Variants in XRCC6 observed in about 807,000 individuals in gnomAD.
XRCC6 encodes the protein DNA repair protein Ku70.
A neutral mutation model predicts 65.7 loss-of-function variants in XRCC6; 5 were observed. The ratio of observed to expected loss-of-function variants is 0.08; its 90% confidence interval spans 0.04 to 0.16. The LOEUF (loss-of-function observed/expected upper bound fraction) is 0.16, where lower values mean the gene tolerates loss of function less well. XRCC6 is among the 10% of genes least tolerant of loss of function. The pLI is 1.00. For synonymous variants in XRCC6, 270 were observed against 270.6 expected (o/e 1.00, Z 0.02); for missense variants, 447 against 738.1 (o/e 0.61, Z 4.57).
intron 3 of XRCC6, among the ~76,000 whole-genome samples, chr22:41,634,790 G>A (rs981747361): frequency 3.3e-4 from 50 of 151,896 alleles, no homozygotes; most frequent in Middle Eastern, 3.2e-3. Context: ...TCATCTGCTC[G>A]CCTTGGCCTC....
intron 8 of XRCC6, among the ~76,000 whole-genome samples, chr22:41,651,668 C>CA (rs1170709380): frequency 2.6e-5 from 4 of 151,624 alleles, no homozygotes; most frequent in African/African-American, 9.7e-5. Flanking sequence ...GCTGGGATTA[C>CA]AGGCACCTGC....
chr22:41,631,270 A>AC (rs998701243), intron 3 of XRCC6, among the ~76,000 whole-genome samples: 2 of 112,292 alleles, frequency 1.8e-5, no homozygotes, highest in African/African-American at 3.6e-5. Flanking sequence ...GCTGGGGCTG[A>AC]CCCCCCACCT....
chr22:41,649,934 A>G (rs2067979039), intron 7 of XRCC6, among the ~76,000 whole-genome samples: 1 of 152,042 alleles, frequency 6.6e-6, no homozygotes, highest in Non-Finnish European at 1.5e-5. Flanking sequence ...CAGGAGGCTG[A>G]TGCAGGAGAA....
At chr22:41,623,403 T>G (rs2067632665) in intron 2 of XRCC6, among the ~76,000 whole-genome samples, 1 of 151,890 alleles carries the variant, frequency 6.6e-6, no homozygotes, top group South Asian at 2.1e-4. Flanking sequence ...TTTTCTTTTT[T>G]TTTGGAGACA....
intron 6 of XRCC6, among the ~76,000 whole-genome samples, chr22:41,640,530 C>A (rs935080781): frequency 5.3e-5 from 8 of 152,172 alleles, no homozygotes; most frequent in Non-Finnish European, 1.0e-4. Flanking sequence ...AACGTTCCTC[C>A]TCAAGCTTTC....
intron 2 of XRCC6, 27 bp from the exon 3 acceptor site, chr22:41,628,091 C>T (rs1306597785): frequency 1.3e-6 from 2 of 1,505,984 alleles, no homozygotes; most frequent in Admixed American, 1.9e-5. Flanking sequence ...CAAGGACAAA[C>T]ATTTTCTTCC....
intron 9 of XRCC6, among the ~76,000 whole-genome samples, chr22:41,654,142 G>A (rs1410310890): frequency 6.6e-6 from 1 of 152,152 alleles, no homozygotes; most frequent in Admixed American, 6.6e-5. Flanking sequence ...TTGTGCTTAT[G>A]TGTCTGGAAG....
chr22:41,643,556 C>G (rs551023891), intron 6 of XRCC6, among the ~76,000 whole-genome samples: 2 of 152,186 alleles, frequency 1.3e-5, no homozygotes, highest in Non-Finnish European at 2.9e-5. Context: ...CGCGCTGGCT[C>G]ATGCCTGTAA....
At chr22:41,662,340 C>T (rs2068107192) in intron 12 of XRCC6, among the ~76,000 whole-genome samples, 1 of 146,966 alleles carries the variant, frequency 6.8e-6, no homozygotes. Flanking sequence ...AATATATATA[C>T]CTAGTATGTA....
chr22:41,621,754 C>T (rs1270659218), intron 1 of XRCC6: 4 of 495,430 alleles, frequency 8.1e-6, no homozygotes, highest in African/African-American at 3.9e-5. Flanking sequence ...GATCTGGCTT[C>T]CGCGGGCCGC....
chr22:41,636,117 T>A lies in XRCC6; in HGVS notation c.200T>A (p.Ile67Asn). ...TAATTGAATTTTTTTTTTCAGTGTA[T>A]CCAAAGTGTGTACATCAGTAAGATC... ...LTPFDMSIQC[I>N]QSVYISKIIS... The change falls in exon 4 of 13, where the codon ATC becomes AAC. Residue 67 changes from isoleucine (I) to asparagine (N), a missense_variant. Ile to Asn is a moderately radical substitution (Grantham distance 149, BLOSUM62 -3). This residue lies in a region of XRCC6 where 228 missense variants were observed against 307.4 expected (regional missense o/e 0.74). Transcript: ENST00000360079. The A allele has an allele frequency of 6.3e-7, 1 of 1,583,292 alleles. No individual in the cohort carries two copies. Among genetic ancestry groups the A allele is most frequent in the Non-Finnish European group, 8.5e-7 (1 of 1,172,174 alleles).
chr22:41,644,638 G>A (rs918939818), intron 6 of XRCC6, among the ~76,000 whole-genome samples: 1 of 151,832 alleles, frequency 6.6e-6, no homozygotes, highest in Non-Finnish European at 1.5e-5. Flanking sequence ...GATGCACACC[G>A]CCACGCCTGG....
chr22:41,650,279 T>C (rs1054584072), intron 7 of XRCC6, among the ~76,000 whole-genome samples: 1 of 151,928 alleles, frequency 6.6e-6, no homozygotes, highest in Non-Finnish European at 1.5e-5. Context: ...TAATTTTTAA[T>C]TTTTTTATAC....
intron 3 of XRCC6, among the ~76,000 whole-genome samples, chr22:41,632,826 GAAAA>G (rs774575798): frequency 7.7e-6 from 1 of 130,056 alleles, no homozygotes; most frequent in Non-Finnish European, 1.7e-5. Flanking sequence ...CTGTCTCTTG[GAAAA>G]AAAAAAAAAA....
intron 3 of XRCC6, among the ~76,000 whole-genome samples, chr22:41,633,468 C>T (rs1189774983): frequency 6.6e-6 from 1 of 151,892 alleles, no homozygotes; most frequent in Non-Finnish European, 1.5e-5. Flanking sequence ...GCTCTGCCTC[C>T]TGGGTTCACA....
At position 41,650,769 on chromosome 22, in the gene XRCC6, A is replaced by G; in HGVS notation, c.1007A>G (p.Glu336Gly). Reference protein sequence around the residue: ...QIILEKEETEELKRFDDPGLM... With the variant: ...QIILEKEETEGLKRFDDPGLM... ...ATACTGGAGAAAGAGGAAACAGAAG[A>G]GCTAAAACGGTTTGATGATCCAGGT... is the stretch of plus-strand genomic sequence containing the variant. The change falls in exon 8 of 13, where the codon GAG becomes GGG. Residue 336 changes from glutamate (E) to glycine (G), a missense_variant. This residue lies in a region of XRCC6 where 201 missense variants were observed against 374.1 expected (regional missense o/e 0.54). Coordinates refer to ENST00000360079, the MANE Select transcript of XRCC6 (RefSeq NM_001469.5). 1 of 1,613,888 alleles carries G rather than the reference A, an allele frequency of 6.2e-7. No homozygotes were observed. Among genetic ancestry groups the G allele is most frequent in the Non-Finnish European group, 8.5e-7 (1 of 1,179,854 alleles).
At chr22:41,647,397 C>T (rs2067943670) in intron 7 of XRCC6, among the ~76,000 whole-genome samples, 1 of 152,040 alleles carries the variant, frequency 6.6e-6, no homozygotes, top group Non-Finnish European at 1.5e-5. Context: ...GCCTGACCAA[C>T]ATGGAGAAAC....
intron 6 of XRCC6, among the ~76,000 whole-genome samples, chr22:41,639,638 T>C (rs1024267544): frequency 2.7e-5 from 4 of 147,216 alleles, no homozygotes; most frequent in Admixed American, 1.4e-4. Flanking sequence ...TGAGCTACCA[T>C]GTGTCCATGT....
At chr22:41,634,431 C>A (rs1449058473) in intron 3 of XRCC6, among the ~76,000 whole-genome samples, 1 of 152,022 alleles carries the variant, frequency 6.6e-6, no homozygotes, top group East Asian at 1.9e-4. Flanking sequence ...AGCAATCCTC[C>A]TGTGTTGGCC....
Sources: allele counts gnomAD v4.1 joint callset (sites outside exome capture counted in the v4.1 genomes callset), GRCh38; gene constraint gnomAD v4.1.1; regional missense constraint gnomAD v4.1.1; transcripts MANE v1.5; gene names NCBI Gene and HGNC (gene_info 2026-07-23, HGNC 2026-07-21).